The following MST1R variants were observed in gnomAD, a reference collection of about 807,000 sequenced individuals.
MST1R encodes macrophage stimulating 1 receptor.
Under a neutral mutation model 117.8 loss-of-function variants are expected in MST1R, and 99 were observed. That is an observed-to-expected ratio of 0.84 (90% CI 0.71 to 0.99). The LOEUF (loss-of-function observed/expected upper bound fraction) is 0.99. Among genes scored for constraint, MST1R ranks in the 50% least tolerant of loss-of-function variants. The pLI is 0.00. For synonymous variants in MST1R, 734 were observed against 765.3 expected, an observed-to-expected ratio of 0.96 and a Z score of 0.68; for missense variants, 1,683 against 1,840.2, an observed-to-expected ratio of 0.91 and a Z score of 1.56.
chr3:49,895,018 AGC>A, intron 14 of MST1R, 147 bp downstream of exon 14: 1 of 767,912 alleles, frequency 1.3e-6, no homozygotes, highest in Non-Finnish European at 2.2e-6. Context: ...TCACTGTGTT[AGC>A]CAGGACGGTC....
Position 49,899,174 on chromosome 3 carries a change from A to G in MST1R, c.1320T>C (p.Asn440=). The G allele has an allele frequency of 6.2e-7, 1 of 1,614,214 alleles. No homozygotes were observed. The highest frequency in any genetic ancestry group is 8.5e-7 in the Non-Finnish European group (1 of 1,180,044). The change falls in exon 2 of 20, where the codon AAT becomes AAC. Residue 440 remains asparagine, a synonymous_variant. Transcript: ENST00000296474. ...TGACCTGTACTGGTCCCAACAGCCC[A>G]TTGAATAGGTCCACACGTGAGAAGC... is the stretch of plus-strand genomic sequence containing the variant. ...SSSFSRVDLF[N]GLLGPVQVTA...
rs781568417 is a variant in MST1R, at chr3:49,902,998, G to C, written c.612C>G (p.Asp204Glu). The change falls in exon 1 of 20, where the codon GAC (aspartate) becomes GAG (glutamate). Residue 204 changes from aspartate (D) to glutamate (E), a missense_variant. Asp to Glu is a conservative substitution (Grantham distance 45, BLOSUM62 2). Coordinates refer to ENST00000296474, the MANE Select transcript of MST1R (RefSeq NM_002447.4). ...GGCTGAAGCTGGCAGCCACGGCTGC[G>C]TCCAGTGAGGATGCCACGTAGAAAT... is the stretch of plus-strand genomic sequence containing the variant. ...ASYFYVASSL[D>E]AAVAASFSPR... is the part of the protein sequence containing the mutation. 1 of 1,613,086 alleles carries C rather than the reference G, an allele frequency of 6.2e-7. No homozygotes were observed. The highest frequency in any genetic ancestry group is 1.3e-5 in the African/African-American group (1 of 75,078).
rs200499140 is a variant in MST1R, at chr3:49,895,208, T to G, written c.3230A>C (p.His1077Pro). The change falls in exon 14 of 20, where the codon CAT becomes CCT. Residue 1077 changes from histidine (H) to proline (P), a missense_variant. Transcript: ENST00000296474. ...LAEVKDVLIP[H>P]ERVVTHSDRV... ...GTCACTGTGGGTGACCACCCGCTCA[T>G]GGGGAATCAGCACATCCTTGACCTC... The G allele has an allele frequency of 2.5e-6, 4 of 1,614,120 alleles. No individual in the cohort carries two copies. In the Admixed American group the frequency reaches 6.7e-5, roughly 27 times the overall value.
intron 7 of MST1R, 147 bp downstream of exon 7, chr3:49,897,133 G>A: frequency 7.8e-7 from 1 of 1,282,340 alleles, no homozygotes; most frequent in Non-Finnish European, 1.1e-6. Context: ...CCTCTGGGCT[G>A]AAGAGGGCAG....
chr3:49,902,028 C>T (rs1434916529), intron 1 of MST1R, among the ~76,000 whole-genome samples: 2 of 151,994 alleles, frequency 1.3e-5, no homozygotes, highest in Admixed American at 1.3e-4. Context: ...AGGGAATGCC[C>T]ATCATTCTAC....
At position 49,888,407 on chromosome 3, in the gene MST1R, G is replaced by A. The variant is rs182848633; in HGVS notation, c.3948-845C>T. Reference sequence around the variant, plus strand: ...GCCGAGATTGCACCACTGCACTCCAGCCTGGGCAACAGAGCGAGACTCCAT... The same window carrying A: ...GCCGAGATTGCACCACTGCACTCCAACCTGGGCAACAGAGCGAGACTCCAT... On this transcript the variant is annotated intron_variant, in intron 19 of 19. Coordinates refer to ENST00000296474, the MANE Select transcript of MST1R (RefSeq NM_002447.4). Among the ~76,000 whole-genome samples the A allele has an allele frequency of 4.3e-3, 602 of 141,448 alleles. 3 individuals are homozygous for A. The highest frequency in any genetic ancestry group is 6.8e-3 in the Non-Finnish European group (450 of 66,006). The allele number at this position is 141,448 out of a possible 152,430, so 92.8% of individuals were successfully genotyped here. A position where few individuals can be genotyped will look rare whatever the true frequency, so the allele number is the denominator to read the frequency against.
chr3:49,888,004 C>CCT (rs781260840), intron 19 of MST1R, among the ~76,000 whole-genome samples: 5 of 152,238 alleles, frequency 3.3e-5, no homozygotes, highest in African/African-American at 4.8e-5. Context: ...AATTAAAAAT[C>CCT]CTGAAGTGGC....
Position 49,903,681 on chromosome 3 carries a change from C to A in MST1R, c.-72G>T, listed in dbSNP as rs890362831. 125 of 1,505,946 alleles carry A rather than the reference C, an allele frequency of 8.3e-5. 1 individual carries two copies. In the East Asian group the frequency reaches 2.8e-3, roughly 34 times the overall value. 93.3% of individuals were successfully genotyped at this position (1,505,946 alleles called of 1,614,324 possible). ...ACCTGGGCGTGGGCCTGGCTGGGGGCCCGACTCGAGGTCTGGACTGGGCCA... is the reference window on the plus strand; with the variant it reads ...ACCTGGGCGTGGGCCTGGCTGGGGGACCGACTCGAGGTCTGGACTGGGCCA... On this transcript the variant is annotated 5_prime_UTR_variant, in exon 1 of 20. Coordinates refer to ENST00000296474, the MANE Select transcript of MST1R (RefSeq NM_002447.4).
rs779401039 is a variant in MST1R, at chr3:49,887,308, C to T, written c.4202G>A (p.Ter1401=). 106 of 1,613,888 alleles carry T rather than the reference C, an allele frequency of 6.6e-5. No individual in the cohort carries two copies. The highest frequency in any genetic ancestry group is 8.6e-5 in the Non-Finnish European group (101 of 1,180,006). ...AGCAGGTCCAGCCCAAGAACTAAGT[C>T]AAGTGGGCCGAGGAGGCTCTGAGAG... ...RPLSEPPRPT[*] Residue 1401 remains the stop codon, a stop_retained_variant, in exon 20 of 20, where the codon TGA becomes TAA. Transcript: ENST00000296474.
intron 19 of MST1R, among the ~76,000 whole-genome samples, chr3:49,889,425 G>A (rs2082249698): frequency 6.6e-6 from 1 of 152,098 alleles, no homozygotes; most frequent in Admixed American, 6.6e-5. Context: ...CCACAGCTCA[G>A]GCACACCTGC....
At chr3:49,897,940 C>A in intron 5 of MST1R, 111 bp downstream of exon 5, 1 of 1,487,168 alleles carries the variant, frequency 6.7e-7, no homozygotes. Context: ...AGAACCACTG[C>A]AGCTTCCCCC....
At chr3:49,892,939 A>G (rs1366059832) in intron 14 of MST1R, among the ~76,000 whole-genome samples, 1 of 146,732 alleles carries the variant, frequency 6.8e-6, no homozygotes, top group East Asian at 2.1e-4. Context: ...CAGCCTGGGC[A>G]ATAGAGTGAG....
chr3:49,903,822 G>A lies in MST1R; in HGVS notation c.-213C>T, dbSNP rs1004986590. The A allele has an allele frequency of 3.3e-6, 2 of 610,142 alleles. No individual in the cohort carries two copies. The highest frequency in any genetic ancestry group is 3.5e-5 in the Admixed American group (1 of 28,768). 37.8% of individuals were successfully genotyped at this position (610,142 alleles called of 1,614,324 possible). The stretch of plus-strand genomic sequence containing the variant: ...GAGCACCTGACGCCTGCGGACGCAC[G>A]ACAGCAACGCCCCAGCCGCCTCACC... On this transcript the variant is annotated 5_prime_UTR_variant, in exon 1 of 20. Coordinates refer to ENST00000296474, the MANE Select transcript of MST1R (RefSeq NM_002447.4).
At chr3:49,899,296 G>A (rs374447625) in intron 1 of MST1R, 33 bp from the exon 2 acceptor site, 8 of 1,611,114 alleles carry the variant, frequency 5.0e-6, no homozygotes, top group South Asian at 3.3e-5. Context: ...AGGAGTCAGG[G>A]TTCAGCCTTG....
chr3:49,902,290 C>T, intron 1 of MST1R, 90 bp downstream of exon 1: 3 of 1,512,710 alleles, frequency 2.0e-6, no homozygotes, highest in East Asian at 2.3e-5. Flanking sequence ...CCCACCGCGC[C>T]CCCAGATCCC....
At chr3:49,891,921 C>T in intron 14 of MST1R, 83 bp from the exon 15 acceptor site, 2 of 1,093,026 alleles carry the variant, frequency 1.8e-6, no homozygotes, top group South Asian at 1.3e-5. Context: ...GCAACCAGAC[C>T]TCAGAGCACT....
intron 5 of MST1R, 98 bp downstream of exon 5, chr3:49,897,953 C>T (rs752098939): frequency 1.3e-6 from 2 of 1,543,534 alleles, no homozygotes; most frequent in Non-Finnish European, 1.8e-6. Flanking sequence ...CTTCCCCCAT[C>T]CCCCCTTGCC....
rs762867085 is a variant in MST1R at position 49,894,149 on chromosome 3, A to G, written c.3271+1018T>C. On this transcript the variant is annotated intron_variant, in intron 14 of 19. Coordinates refer to ENST00000296474, the MANE Select transcript of MST1R (RefSeq NM_002447.4). ...AGAATCACTTGAACCCGGGAGGAGG[A>G]GGTTGCAATGAGCCGAGATCGCGCC... 1.5e-3 allele frequency among the ~76,000 whole-genome samples: 231 copies of G among 151,738 alleles called. 1 individual carries two copies. Among genetic ancestry groups the G allele is most frequent in the Middle Eastern group, 0.014 (4 of 294 alleles).
At chr3:49,895,910 C>T (rs1477267770) in intron 11 of MST1R, 30 bp from the exon 12 acceptor site, 2 of 1,578,338 alleles carry the variant, frequency 1.3e-6, no homozygotes, top group African/African-American at 2.7e-5. Flanking sequence ...CAGGCCCAGC[C>T]TGTAGGCCCT....
Sources: allele counts gnomAD v4.1 joint callset (sites outside exome capture counted in the v4.1 genomes callset), GRCh38; gene constraint gnomAD v4.1.1; transcripts MANE v1.5; gene names NCBI Gene and HGNC (gene_info 2026-07-23, HGNC 2026-07-21).